The following USP34 variants were observed in gnomAD, a reference collection of about 807,000 sequenced individuals.
USP34 encodes the protein ubiquitin specific peptidase 34, also known as ubiquitin carboxyl-terminal hydrolase 34.
USP34 carries 70 observed loss-of-function variants against 460.3 expected under a neutral mutation model. The ratio of observed to expected loss-of-function variants is 0.15; its 90% CI spans 0.13 to 0.19. The LOEUF (loss-of-function observed/expected upper bound fraction) is 0.19, where lower values mean the gene tolerates loss of function less well. USP34 is among the 10% of genes least tolerant of loss of function. The pLI, the probability that USP34 is intolerant of heterozygous loss-of-function variation, is 1.00. For missense variants in USP34, 3,985 were observed against 4,236.2 expected, an observed-to-expected ratio of 0.94 and a Z score of 1.65; for synonymous variants, 1,647 against 1,405.3, an observed-to-expected ratio of 1.17 and a Z score of -3.85.
At chr2:61,200,098 C>T (rs1686927218) in intron 75 of USP34, 1 of 152,402 alleles carries the variant, frequency 6.6e-6, no homozygotes, top group Non-Finnish European at 1.5e-5. Context: ...GTTGCCCTGG[C>T]TGGAGTATAG....
intron 2 of USP34, among the ~76,000 whole-genome samples, chr2:61,413,063 G>A (rs1193720108): frequency 6.6e-6 from 1 of 152,054 alleles, no homozygotes; most frequent in Non-Finnish European, 1.5e-5. Flanking sequence ...AAGCTGAGGA[G>A]GGATAAAGAT....
At chr2:61,447,415 T>G (rs1338379682) in intron 1 of USP34, among the ~76,000 whole-genome samples, 1 of 152,126 alleles carries the variant, frequency 6.6e-6, no homozygotes, top group Admixed American at 6.6e-5. Flanking sequence ...ATTTTATCAC[T>G]GGCAATTAAC....
intron 27 of USP34, among the ~76,000 whole-genome samples, chr2:61,302,322 A>T (rs1279927240): frequency 6.6e-6 from 1 of 152,230 alleles, no homozygotes; most frequent in Non-Finnish European, 1.5e-5. Flanking sequence ...TAACATTTTA[A>T]AATTACCTTT....
chr2:61,240,250 C>A (rs1688213460), intron 53 of USP34, among the ~76,000 whole-genome samples: 1 of 134,812 alleles, frequency 7.4e-6, no homozygotes, highest in African/African-American at 2.9e-5. Context: ...GAAATGAAGC[C>A]TCATAACTAC....
At chr2:61,433,242 G>C (rs1383156558) in intron 1 of USP34, among the ~76,000 whole-genome samples, 1 of 152,170 alleles carries the variant, frequency 6.6e-6, no homozygotes, top group African/African-American at 2.4e-5. Context: ...GATGGGATTT[G>C]CCTGCAGTCA....
chr2:61,387,863 AT>A (rs1287428839), intron 5 of USP34, among the ~76,000 whole-genome samples: 2 of 149,892 alleles, frequency 1.3e-5, no homozygotes, highest in Non-Finnish European at 3.0e-5. Context: ...AAAAATATAT[AT>A]TTTTACGTAT....
intron 41 of USP34, among the ~76,000 whole-genome samples, chr2:61,266,844 G>A (rs1163987397): frequency 2.0e-5 from 3 of 152,150 alleles, no homozygotes; most frequent in African/African-American, 4.8e-5. Flanking sequence ...GTCTGCAAAC[G>A]TCACTGGTAA....
At chr2:61,243,700 G>A (rs1382958250) in intron 51 of USP34, among the ~76,000 whole-genome samples, 1 of 151,328 alleles carries the variant, frequency 6.6e-6, no homozygotes, top group East Asian at 2.0e-4. Context: ...GTGAAACCCC[G>A]TCTCCACTTA....
intron 8 of USP34, among the ~76,000 whole-genome samples, chr2:61,372,292 T>C (rs1351471177): frequency 6.6e-6 from 1 of 152,148 alleles, no homozygotes; most frequent in Non-Finnish European, 1.5e-5. Context: ...AAAATAAAAC[T>C]AGGTATATTT....
intron 2 of USP34, among the ~76,000 whole-genome samples, chr2:61,416,167 T>C (rs1694187739): frequency 1.3e-5 from 2 of 152,206 alleles, no homozygotes; most frequent in Non-Finnish European, 1.5e-5. Context: ...CACTGGTCAA[T>C]ATCAACAGTC....
At chr2:61,311,290 A>C (rs963263289) in intron 27 of USP34, among the ~76,000 whole-genome samples, 6 of 152,150 alleles carry the variant, frequency 3.9e-5, no homozygotes, top group Non-Finnish European at 8.8e-5. Flanking sequence ...TCAAGGTGCC[A>C]CTTTGAAAGC....
chr2:61,200,937 T>C (rs1374594683), intron 75 of USP34, among the ~76,000 whole-genome samples: 2 of 152,076 alleles, frequency 1.3e-5, no homozygotes, highest in Non-Finnish European at 2.9e-5. Flanking sequence ...TCTTAGGTCT[T>C]TGTCTAAGAC....
At chr2:61,345,272 T>TAA (rs33948872) in intron 15 of USP34, among the ~76,000 whole-genome samples, 2 of 144,734 alleles carry the variant, frequency 1.4e-5, no homozygotes, top group Non-Finnish European at 1.5e-5. Context: ...TGACTGTGTT[T>TAA]AAAAAAAAAA....
At chr2:61,410,326 T>TG (rs1200500264) in intron 2 of USP34, among the ~76,000 whole-genome samples, 2 of 152,194 alleles carry the variant, frequency 1.3e-5, no homozygotes, top group East Asian at 3.8e-4. Context: ...ATCCCTCACA[T>TG]GCACAGTTCA....
chr2:61,350,540 A>G (rs1691914218), intron 11 of USP34, 28 bp downstream of exon 11: 1 of 1,574,184 alleles, frequency 6.4e-7, no homozygotes, highest in Non-Finnish European at 8.6e-7. Context: ...GGGAAAAAAA[A>G]AAAACTATCA....
intron 1 of USP34, among the ~76,000 whole-genome samples, chr2:61,462,245 G>A (rs1186709): frequency 0.65 from 93,423 of 143,326 alleles, 29,697 homozygotes; most frequent in Middle Eastern, 0.7. Flanking sequence ...ATCTCAGGGG[G>A]AAAAAAAAAA....
chr2:61,188,744 G>T, intron 79 of USP34, 35 bp from the exon 80 acceptor site: 1 of 1,598,948 alleles, frequency 6.3e-7, no homozygotes. Context: ...AAACTTCTCT[G>T]AAAGTCATTA....
intron 43 of USP34, chr2:61,265,157 C>T: frequency 2.4e-6 from 1 of 422,738 alleles, no homozygotes; most frequent in Non-Finnish European, 4.2e-6. Flanking sequence ...ATTGTATACA[C>T]TGAGCATGCA....
In USP34 at chr2:61,348,201, C is replaced by T; in HGVS notation, c.1954G>A (p.Gly652Ser). 2 of 1,614,208 alleles carry T rather than the reference C, an allele frequency of 1.2e-6. No homozygotes were observed. The highest frequency in any genetic ancestry group is 2.2e-5 in the East Asian group (1 of 44,886). ...CCTTGGGAGTCCCCCAGGCAAATGCCTGCTTGACTCTCTAACTTTCTATTC... is the reference window on the plus strand; with the variant it reads ...CCTTGGGAGTCCCCCAGGCAAATGCTTGCTTGACTCTCTAACTTTCTATTC... Reference protein sequence around the residue: ...LRNRKLESQAGICLGDSQGMS... With the variant: ...LRNRKLESQASICLGDSQGMS... The change falls in exon 15 of 80, where the codon GGC becomes AGC. Residue 652 changes from glycine to serine, a missense_variant. By Grantham distance (56) the Gly-to-Ser change is moderately conservative (BLOSUM62 0). Around this residue, in one of 14 missense-constraint regions of USP34, gnomAD observed 716 missense variants for 626.2 expected, o/e 1.14. Transcript: ENST00000398571.
Sources: gnomAD v4.1 joint callset for allele counts (sites outside exome capture counted in the v4.1 genomes callset) on GRCh38, gnomAD v4.1.1 for gene constraint, gnomAD v4.1.1 regional missense constraint, MANE v1.5 for transcripts, NCBI Gene and HGNC (gene_info 2026-07-23, HGNC 2026-07-21) for gene names.